Variants in GFPT1 observed in about 807,000 individuals in gnomAD.
GFPT1 encodes the protein glutamine--fructose-6-phosphate transaminase 1, also known as glutamine--fructose-6-phosphate aminotransferase [isomerizing] 1.
A neutral mutation model predicts 92.0 loss-of-function variants in GFPT1; 40 were observed. That is an observed-to-expected ratio of 0.43 (90% confidence interval 0.34 to 0.57). The LOEUF is 0.57. Ranked by LOEUF, GFPT1 falls within the 20% of genes least tolerant of loss-of-function variation. The pLI is 0.02. For synonymous variants in GFPT1, 269 were observed against 280.6 expected (o/e 0.96, Z 0.41); for missense variants, 448 against 869.1 (o/e 0.52, Z 6.09).
Position 69,320,707 on chromosome 2 carries a change from G to C in GFPT1, c.*5482C>G, listed in dbSNP as rs189850080. The C allele has an allele frequency of 3.3e-5, 5 of 152,082 alleles. No homozygotes were observed. The East Asian group carries it at 7.7e-4, about 24-fold the overall frequency. The allele number at this position is 152,082 out of a possible 1,614,324, so 9.4% of individuals were successfully genotyped here. ...AGAGGCTGAGGCAAAAGACTCGTGT[G>C]AACACGGGAGGTGGAAGTTGCAGTC... is the stretch of plus-strand genomic sequence containing the variant. On this transcript the variant is annotated 3_prime_UTR_variant, in exon 20 of 20. Transcript: ENST00000357308.
chr2:69,343,988 T>A (rs555623388), intron 12 of GFPT1, among the ~76,000 whole-genome samples: 1 of 152,048 alleles, frequency 6.6e-6, no homozygotes, highest in Non-Finnish European at 1.5e-5. Flanking sequence ...ACCTAGCACA[T>A]CCCTTCTCAC....
intron 1 of GFPT1, among the ~76,000 whole-genome samples, chr2:69,379,085 A>C (rs1357398110): frequency 1.3e-5 from 2 of 152,158 alleles, no homozygotes; most frequent in African/African-American, 4.8e-5. Context: ...TCTCTATTAA[A>C]ATTTGAAATA....
At chr2:69,368,022 G>T (rs1048167225) in intron 3 of GFPT1, among the ~76,000 whole-genome samples, 12 of 152,334 alleles carry the variant, frequency 7.9e-5, no homozygotes, top group African/African-American at 2.9e-4. Flanking sequence ...GTCAAAGAGG[G>T]TGGATCGCCT....
At chr2:69,368,590 T>G (rs573589357) in intron 3 of GFPT1, among the ~76,000 whole-genome samples, 43 of 152,226 alleles carry the variant, frequency 2.8e-4, no homozygotes, top group African/African-American at 9.9e-4. Context: ...TAGCCGGGCA[T>G]GATGGCACAC....
rs566567136 is a variant in GFPT1, at chr2:69,357,691, G to C, written c.543+638C>G. ...AGTGGGAAAGCTAGAGTTATGAGTG[G>C]GGAAGGGAAATGTAGGTATCACTAT... On this transcript the variant is annotated intron_variant, in intron 6 of 19. Transcript: ENST00000357308. Among the ~76,000 whole-genome samples the C allele has an allele frequency of 1.5e-4, 23 of 152,306 alleles. No homozygotes were observed. The East Asian group carries it at 4.1e-3, about 27-fold the overall frequency.
chr2:69,332,303 CTTTT>C (rs1222485107), intron 15 of GFPT1, among the ~76,000 whole-genome samples: 2 of 146,942 alleles, frequency 1.4e-5, no homozygotes, highest in South Asian at 4.3e-4. Context: ...TCTAGTCTTT[CTTTT>C]CTTTTCTTTT....
In GFPT1 at chr2:69,358,371, A is replaced by G; in HGVS notation, c.501T>C (p.Asp167=). 6.2e-7 allele frequency: 1 copy of G among 1,612,474 alleles called. No individual in the cohort carries two copies. Among genetic ancestry groups the G allele is most frequent in the East Asian group, 2.2e-5 (1 of 44,832 alleles). The part of the protein sequence containing the change: ...KYMYDNRESQ[D]TSFTTLVERV... ...TCTCCACCAAGGTAGTAAAGCTGGTATCTTGACTTTCCCGATTGTCATACA... is the reference window on the plus strand; with the variant it reads ...TCTCCACCAAGGTAGTAAAGCTGGTGTCTTGACTTTCCCGATTGTCATACA... The change falls in exon 6 of 20, where the codon GAT becomes GAC. Residue 167 remains aspartate, a synonymous_variant. Coordinates refer to ENST00000357308, the MANE Select transcript of GFPT1 (RefSeq NM_001244710.2).
chr2:69,358,565 T>G, intron 5 of GFPT1, 102 bp from the exon 6 acceptor site: 1 of 795,132 alleles, frequency 1.3e-6, no homozygotes, highest in Non-Finnish European at 2.1e-6. Context: ...ATTTCTAATA[T>G]TCTTTGAACA....
At chr2:69,380,264 G>A (rs954838790) in intron 1 of GFPT1, among the ~76,000 whole-genome samples, 2 of 152,164 alleles carry the variant, frequency 1.3e-5, no homozygotes, top group Middle Eastern at 3.2e-3. Context: ...TTGAGCCCAG[G>A]AGGTGGGGCA....
intron 15 of GFPT1, among the ~76,000 whole-genome samples, chr2:69,337,266 T>C (rs1323535073): frequency 6.6e-6 from 1 of 151,964 alleles, no homozygotes; most frequent in African/African-American, 2.4e-5. Flanking sequence ...GGATTCACCA[T>C]GTTGGCCAGG....
intron 13 of GFPT1, 66 bp downstream of exon 13, chr2:69,342,086 G>C: frequency 1.2e-6 from 1 of 835,036 alleles, no homozygotes; most frequent in Non-Finnish European, 2.0e-6. Context: ...TATGTTATTA[G>C]ACTACTACTT....
Position 69,322,696 on chromosome 2 carries a change from C to T in GFPT1, c.*3493G>A, listed in dbSNP as rs1670444412. 6.6e-6 allele frequency: 1 copy of T among 152,212 alleles called. No individual in the cohort carries two copies. Among genetic ancestry groups the T allele is most frequent in the Admixed American group, 6.5e-5 (1 of 15,292 alleles). 9.4% of individuals were successfully genotyped at this position (152,212 alleles called of 1,614,324 possible). ...AACCAACAGCCCCATCTGCACATCA[C>T]CAAGCACCAGTTCCCTTTGGGTAGC... On this transcript the variant is annotated 3_prime_UTR_variant, in exon 20 of 20. Transcript: ENST00000357308.
chr2:69,329,883 A>G (rs1445591573), intron 15 of GFPT1, 85 bp from the exon 16 acceptor site: 1 of 804,470 alleles, frequency 1.2e-6, no homozygotes, highest in East Asian at 2.5e-5. Context: ...GCTGAAAATA[A>G]AATTCCCATT....
chr2:69,371,082 T>C lies in GFPT1; in HGVS notation c.116-974A>G, dbSNP rs190242101. On this transcript the variant is annotated intron_variant, in intron 2 of 19. Coordinates refer to ENST00000357308, the MANE Select transcript of GFPT1 (RefSeq NM_001244710.2). The stretch of plus-strand genomic sequence containing the variant: ...CTTATTTTTCTTTTCTTTTCTTTTT[T>C]TTTTTTTTTTTTGAGACAGGTTCTT... 5.1e-3 allele frequency among the ~76,000 whole-genome samples: 756 copies of C among 149,446 alleles called. 6 individuals carry two copies. The highest frequency in any genetic ancestry group is 0.018 in the African/African-American group (723 of 40,974).
chr2:69,364,533 C>A (rs1164980160), intron 3 of GFPT1, among the ~76,000 whole-genome samples: 1 of 152,180 alleles, frequency 6.6e-6, no homozygotes. Context: ...GACACACAAC[C>A]TTATGACTGC....
At chr2:69,359,697 ATTC>A (rs1434826967) in intron 4 of GFPT1, among the ~76,000 whole-genome samples, 2 of 152,222 alleles carry the variant, frequency 1.3e-5, no homozygotes, top group South Asian at 2.1e-4. Flanking sequence ...TGAACTAAAT[ATTC>A]TTCTTATTTC....
chr2:69,328,182 C>G, intron 18 of GFPT1, 89 bp downstream of exon 18: 2 of 952,808 alleles, frequency 2.1e-6, no homozygotes, highest in Non-Finnish European at 3.4e-6. Flanking sequence ...TGAGTTAACA[C>G]GTGTAAACAT....
intron 13 of GFPT1, 71 bp downstream of exon 13, chr2:69,342,081 T>C: frequency 1.2e-6 from 1 of 823,868 alleles, no homozygotes; most frequent in Non-Finnish European, 2.0e-6. Context: ...CACAGTATGT[T>C]ATTAGACTAC....
chr2:69,352,770 G>A (rs555373115), intron 9 of GFPT1, among the ~76,000 whole-genome samples: 135 of 152,094 alleles, frequency 8.9e-4, no homozygotes, highest in Middle Eastern at 3.4e-3. Context: ...TTGAGGCTGG[G>A]TGCAGCGGCT....
Sources: gnomAD v4.1 joint callset for allele counts (sites outside exome capture counted in the v4.1 genomes callset) on GRCh38, gnomAD v4.1.1 for gene constraint, MANE v1.5 for transcripts, NCBI Gene and HGNC (gene_info 2026-07-23, HGNC 2026-07-21) for gene names.